Variants in ABI1 observed in about 807,000 individuals in gnomAD.
ABI1 encodes Abelson interactor 1.
In ABI1, 14 loss-of-function variants were observed where a neutral mutation model predicts 54.6. The ratio of observed to expected loss-of-function variants is 0.26; its 90% CI spans 0.17 to 0.40. The LOEUF (loss-of-function observed/expected upper bound fraction) is 0.40, where lower values mean the gene tolerates loss of function less well. Ranked by LOEUF, ABI1 falls within the 10% of genes least tolerant of loss-of-function variation. The pLI, the probability that ABI1 is intolerant of heterozygous loss-of-function variation, is 1.00. For missense variants in ABI1, 443 were observed against 598.3 expected, an observed-to-expected ratio of 0.74 and a Z score of 2.71; for synonymous variants, 194 against 209.3, an observed-to-expected ratio of 0.93 and a Z score of 0.63.
intron 1 of ABI1, among the ~76,000 whole-genome samples, chr10:26,841,529 T>A (rs1411004799): frequency 1.3e-5 from 2 of 151,974 alleles, no homozygotes; most frequent in South Asian, 2.1e-4. Context: ...ACACATTAGA[T>A]CTCTAGGCTC....
intron 7 of ABI1, among the ~76,000 whole-genome samples, chr10:26,762,687 A>G (rs953858437): frequency 6.6e-6 from 1 of 152,202 alleles, no homozygotes; most frequent in African/African-American, 2.4e-5. Context: ...ATTCTACCGT[A>G]TAGTTATAAC....
At chr10:26,762,286 G>A (rs1349798910) in intron 7 of ABI1, among the ~76,000 whole-genome samples, 1 of 152,190 alleles carries the variant, frequency 6.6e-6, no homozygotes, top group Non-Finnish European at 1.5e-5. Flanking sequence ...AGGATTAGAG[G>A]CGTGAGCCAC....
At chr10:26,852,077 T>G (rs1052606381) in intron 1 of ABI1, among the ~76,000 whole-genome samples, 1 of 152,148 alleles carries the variant, frequency 6.6e-6, no homozygotes, top group Admixed American at 6.6e-5. Flanking sequence ...GAGGATCGCT[T>G]GACCCCAGAA....
At chr10:26,814,503 G>A (rs2047434058) in intron 2 of ABI1, among the ~76,000 whole-genome samples, 1 of 152,178 alleles carries the variant, frequency 6.6e-6, no homozygotes, top group Admixed American at 6.5e-5. Flanking sequence ...AAAAGTTGGT[G>A]ATGTGAAAGA....
chr10:26,800,095 T>A (rs1215770906), intron 2 of ABI1, among the ~76,000 whole-genome samples: 1 of 151,780 alleles, frequency 6.6e-6, no homozygotes, highest in Non-Finnish European at 1.5e-5. Context: ...ATATATCACC[T>A]GAATCGGGCC....
chr10:26,828,955 G>C (rs543516238), intron 1 of ABI1, among the ~76,000 whole-genome samples: 10 of 151,538 alleles, frequency 6.6e-5, no homozygotes, highest in Non-Finnish European at 1.5e-4. Context: ...AGCCGGGCGC[G>C]GTGGCTCACG....
At chr10:26,780,782 G>A (rs905600623) in intron 2 of ABI1, among the ~76,000 whole-genome samples, 3 of 152,102 alleles carry the variant, frequency 2.0e-5, no homozygotes, top group Non-Finnish European at 4.4e-5. Flanking sequence ...TTGGATACAG[G>A]AGCCCAAGGC....
At chr10:26,804,565 G>A (rs1414946029) in intron 2 of ABI1, among the ~76,000 whole-genome samples, 5 of 152,190 alleles carry the variant, frequency 3.3e-5, no homozygotes, top group Non-Finnish European at 4.4e-5. Context: ...TTTATTCGAA[G>A]TGGGAACACA....
chr10:26,812,896 C>CG (rs1243692995), intron 2 of ABI1, among the ~76,000 whole-genome samples: 6 of 152,018 alleles, frequency 3.9e-5, no homozygotes, highest in Admixed American at 1.3e-4. Context: ...AATTTGTTGG[C>CG]GGGGGGACAC....
chr10:26,818,228 T>C (rs1588970945), intron 2 of ABI1, among the ~76,000 whole-genome samples: 1 of 105,524 alleles, frequency 9.5e-6, no homozygotes, highest in Non-Finnish European at 2.1e-5. Flanking sequence ...TCAAATCATA[T>C]AATGTATATT....
At chr10:26,791,329 G>C (rs190220887) in intron 2 of ABI1, among the ~76,000 whole-genome samples, 2 of 152,206 alleles carry the variant, frequency 1.3e-5, no homozygotes, top group African/African-American at 4.8e-5. Context: ...TGAGATAGGA[G>C]TTTGAAAGAA....
intron 10 of ABI1, 44 bp from the exon 11 acceptor site, chr10:26,748,789 C>T: frequency 7.2e-7 from 1 of 1,384,242 alleles, no homozygotes; most frequent in Non-Finnish European, 1.0e-6. Context: ...GCACTATATC[C>T]AAAATTTACT....
chr10:26,758,166 T>C (rs1474323380), intron 8 of ABI1, among the ~76,000 whole-genome samples: 1 of 149,772 alleles, frequency 6.7e-6, no homozygotes, highest in African/African-American at 2.4e-5. Flanking sequence ...TAAAGCAACC[T>C]CCTATGTAAA....
At chr10:26,833,218 C>G (rs1016390598) in intron 1 of ABI1, among the ~76,000 whole-genome samples, 1 of 152,008 alleles carries the variant, frequency 6.6e-6, no homozygotes, top group African/African-American at 2.4e-5. Context: ...TTGGGGCATA[C>G]TCTCTTCTTT....
At chr10:26,795,180 A>AT (rs1404707935) in intron 2 of ABI1, among the ~76,000 whole-genome samples, 1 of 151,940 alleles carries the variant, frequency 6.6e-6, no homozygotes, top group African/African-American at 2.4e-5. Context: ...ACCAAGTTAC[A>AT]TAACTGTGAA....
chr10:26,826,659 T>G (rs895002905), intron 1 of ABI1, among the ~76,000 whole-genome samples: 13 of 152,232 alleles, frequency 8.5e-5, no homozygotes, highest in African/African-American at 3.1e-4. Flanking sequence ...ATATTAAGTG[T>G]AGCAACCTTC....
chr10:26,809,394 C>CA (rs1322898054), intron 2 of ABI1, among the ~76,000 whole-genome samples: 2 of 150,892 alleles, frequency 1.3e-5, no homozygotes, highest in Non-Finnish European at 3.0e-5. Flanking sequence ...CCCATCTCTA[C>CA]AAAAAGATGA....
At chr10:26,849,757 A>C (rs2050249969) in intron 1 of ABI1, among the ~76,000 whole-genome samples, 1 of 143,924 alleles carries the variant, frequency 6.9e-6, no homozygotes, top group African/African-American at 2.7e-5. Flanking sequence ...GTGAACTTGC[A>C]AGCTTTGCAA....
At chr10:26,795,435 A>C (rs1844029493) in intron 2 of ABI1, among the ~76,000 whole-genome samples, 1 of 152,184 alleles carries the variant, frequency 6.6e-6, no homozygotes, top group Non-Finnish European at 1.5e-5. Context: ...CAGGCATTTA[A>C]ATCAGAAAGG....
Sources: gnomAD v4.1 joint callset for allele counts (sites outside exome capture counted in the v4.1 genomes callset) on GRCh38, gnomAD v4.1.1 for gene constraint, MANE v1.5 for transcripts, NCBI Gene and HGNC (gene_info 2026-07-23, HGNC 2026-07-21) for gene names.